The following AGMO variants were observed in gnomAD, a reference collection of about 807,000 sequenced individuals.
AGMO encodes the protein alkylglycerol monooxygenase.
Under a neutral mutation model 60.2 loss-of-function variants are expected in AGMO, and 75 were observed. That is an observed-to-expected ratio of 1.25 (90% CI 1.03 to 1.51). AGMO has a LOEUF of 1.51. Among genes scored for constraint, AGMO ranks in the 40% most tolerant of loss-of-function variants. AGMO has a pLI of 0.00. For missense variants in AGMO, 763 were observed against 525.5 expected, an observed-to-expected ratio of 1.45 and a Z score of -4.42; for synonymous variants, 261 against 177.1, an observed-to-expected ratio of 1.47 and a Z score of -3.76.
At chr7:15,376,031 T>C (rs889377324) in intron 10 of AGMO, among the ~76,000 whole-genome samples, 3 of 152,176 alleles carry the variant, frequency 2.0e-5, no homozygotes, top group Non-Finnish European at 2.9e-5. Context: ...CAAAAAATAA[T>C]GTATTTAGGA....
chr7:15,438,247 C>A (rs894800237), intron 3 of AGMO, among the ~76,000 whole-genome samples: 4 of 150,088 alleles, frequency 2.7e-5, no homozygotes, highest in Non-Finnish European at 5.9e-5. Context: ...ATATTGATAA[C>A]AATATTATTA....
intron 3 of AGMO, among the ~76,000 whole-genome samples, chr7:15,436,698 C>CTCAT (rs1279143586): frequency 6.6e-6 from 1 of 151,998 alleles, no homozygotes; most frequent in Non-Finnish European, 1.5e-5. Context: ...GAACATGTTT[C>CTCAT]TCATTGTTCT....
intron 3 of AGMO, among the ~76,000 whole-genome samples, chr7:15,525,034 G>A (rs2892764): frequency 1.3e-5 from 2 of 152,046 alleles, no homozygotes; most frequent in Non-Finnish European, 2.9e-5. Flanking sequence ...GGGGACCCCA[G>A]AAAAACCTTA....
intron 12 of AGMO, among the ~76,000 whole-genome samples, chr7:15,304,436 T>C (rs1281649243): frequency 2.0e-5 from 3 of 152,072 alleles, no homozygotes; most frequent in Non-Finnish European, 4.4e-5. Context: ...CTCAAATCTG[T>C]TGGTATAAAG....
chr7:15,288,411 T>G (rs1784162152), intron 12 of AGMO, among the ~76,000 whole-genome samples: 1 of 152,186 alleles, frequency 6.6e-6, no homozygotes, highest in Non-Finnish European at 1.5e-5. Flanking sequence ...ATGCATTTCT[T>G]ATCACGAGGC....
chr7:15,137,439 G>C, the AGMO span, among the ~76,000 whole-genome samples: 3 of 152,146 alleles, frequency 2.0e-5, no homozygotes, highest in Admixed American at 6.5e-5. Context: ...TAACAGTTTA[G>C]TGTTGTACTT....
chr7:15,393,679 A>C (rs1408577171), intron 6 of AGMO, among the ~76,000 whole-genome samples: 1 of 152,210 alleles, frequency 6.6e-6, no homozygotes, highest in African/African-American at 2.4e-5. Flanking sequence ...CTTAGGCAGG[A>C]AGGTGAAGTG....
chr7:15,198,678 A>G (rs115366599), downstream of AGMO, among the ~76,000 whole-genome samples: 1,878 of 152,134 alleles, frequency 0.012, 34 homozygotes, highest in African/African-American at 0.042. Flanking sequence ...GGGAATGGAG[A>G]GTGCTCACTG....
intron 2 of AGMO, among the ~76,000 whole-genome samples, chr7:15,555,491 G>T (rs533104036): frequency 6.6e-6 from 1 of 151,592 alleles, no homozygotes; most frequent in African/African-American, 2.4e-5. Context: ...TTTTTGCTTG[G>T]TAATAATAAG....
At chr7:15,133,852 C>T in the AGMO span, among the ~76,000 whole-genome samples, 1 of 152,082 alleles carries the variant, frequency 6.6e-6, no homozygotes, top group African/African-American at 2.4e-5. Context: ...CACAGCTCAC[C>T]AACACTTCAA....
At chr7:15,392,839 A>G (rs556121194) in intron 6 of AGMO, among the ~76,000 whole-genome samples, 8 of 151,934 alleles carry the variant, frequency 5.3e-5, no homozygotes, top group African/African-American at 1.9e-4. Context: ...AACAACTTTA[A>G]ATACACCTTA....
chr7:15,529,102 A>G (rs757322228), intron 3 of AGMO, among the ~76,000 whole-genome samples: 1 of 152,122 alleles, frequency 6.6e-6, no homozygotes, highest in Non-Finnish European at 1.5e-5. Context: ...AGACATTCTC[A>G]GCTTAATTGG....
chr7:15,280,421 C>T (rs1563067801), intron 12 of AGMO, among the ~76,000 whole-genome samples: 1 of 152,206 alleles, frequency 6.6e-6, no homozygotes, highest in African/African-American at 2.4e-5. Flanking sequence ...TGCCCCCTCA[C>T]ACCACAGGGG....
chr7:15,343,390 G>A (rs75228114), intron 12 of AGMO, among the ~76,000 whole-genome samples: 1 of 151,882 alleles, frequency 6.6e-6, no homozygotes. Flanking sequence ...CCACTACCAA[G>A]ATGCCTCTAA....
chr7:15,278,188 T>C (rs1783853845), intron 12 of AGMO, among the ~76,000 whole-genome samples: 1 of 152,118 alleles, frequency 6.6e-6, no homozygotes, highest in Non-Finnish European at 1.5e-5. Context: ...TACAGACAGC[T>C]TTGTGGCTCA....
At chr7:15,168,195 G>A in the AGMO span, among the ~76,000 whole-genome samples, 1 of 152,216 alleles carries the variant, frequency 6.6e-6, no homozygotes, top group African/African-American at 2.4e-5. Context: ...CATATGCTTA[G>A]TTTGATTTTA....
intron 12 of AGMO, among the ~76,000 whole-genome samples, chr7:15,298,706 T>C (rs893853998): frequency 1.3e-5 from 2 of 152,032 alleles, no homozygotes; most frequent in Non-Finnish European, 2.9e-5. Flanking sequence ...TCAGTCTATG[T>C]TTTTCTATAT....
At position 15,372,757 on chromosome 7, in the gene AGMO, A is replaced by C. The variant is rs928648969; in HGVS notation, c.1075-6535T>G. On this transcript the variant is annotated intron_variant, in intron 10 of 12. Transcript: ENST00000342526. ...ATAACAGGGAGGATTTTATTTTTTC[A>C]TTTAATTTACTCCCATTTCAAATTA... Among the ~76,000 whole-genome samples, 9 of 152,282 alleles carry C rather than the reference A, an allele frequency of 5.9e-5. No individual in the cohort carries two copies. The East Asian group carries it at 1.7e-3, about 29-fold the overall frequency.
intron 12 of AGMO, among the ~76,000 whole-genome samples, chr7:15,284,278 C>T (rs956816101): frequency 1.3e-5 from 2 of 151,846 alleles, no homozygotes; most frequent in Non-Finnish European, 2.9e-5. Context: ...TACAAAACAT[C>T]AATGAAACAT....
Sources: allele counts gnomAD v4.1 joint callset (sites outside exome capture counted in the v4.1 genomes callset), GRCh38; gene constraint gnomAD v4.1.1; transcripts MANE v1.5; gene names NCBI Gene and HGNC (gene_info 2026-07-23, HGNC 2026-07-21).